The following ZNF143 variants were observed in gnomAD, a reference collection of about 807,000 sequenced individuals.
ZNF143 encodes the protein SPH-binding factor.
In ZNF143, 49 loss-of-function variants were observed where a neutral mutation model predicts 74.1. The ratio of observed to expected loss-of-function variants is 0.66; its 90% CI spans 0.53 to 0.84. The LOEUF is 0.84. Ranked by LOEUF, ZNF143 falls within the 40% of genes least tolerant of loss-of-function variation. ZNF143 has a pLI of 0.00. For synonymous variants in ZNF143, 304 were observed against 282.8 expected (o/e 1.07, Z -0.75); for missense variants, 637 against 793.4 (o/e 0.80, Z 2.37).
chr11:9,510,188 G>A (rs1217285188), intron 12 of ZNF143, among the ~76,000 whole-genome samples: 5 of 150,032 alleles, frequency 3.3e-5, no homozygotes, highest in Admixed American at 6.7e-5. Flanking sequence ...GCAGTGGTGC[G>A]ATCTCGGCTC....
At chr11:9,487,924 C>T (rs1166734087) in intron 7 of ZNF143, among the ~76,000 whole-genome samples, 5 of 152,100 alleles carry the variant, frequency 3.3e-5, no homozygotes, top group Middle Eastern at 3.2e-3. Context: ...ATTTTTTCCC[C>T]TAAAACATCT....
intron 7 of ZNF143, among the ~76,000 whole-genome samples, chr11:9,493,930 G>T (rs1334510009): frequency 6.6e-6 from 1 of 152,140 alleles, no homozygotes; most frequent in Non-Finnish European, 1.5e-5. Flanking sequence ...TGACTGAAAT[G>T]ACCTACCCCT....
intron 7 of ZNF143, among the ~76,000 whole-genome samples, chr11:9,486,812 G>T (rs1457994180): frequency 6.7e-6 from 1 of 149,472 alleles, no homozygotes; most frequent in Non-Finnish European, 1.5e-5. Flanking sequence ...GGGACTACAG[G>T]CACCCGCCAC....
At chr11:9,518,614 G>A (rs1327757180) in intron 14 of ZNF143, among the ~76,000 whole-genome samples, 1 of 152,064 alleles carries the variant, frequency 6.6e-6, no homozygotes, top group Non-Finnish European at 1.5e-5. Context: ...CTACTCAGGA[G>A]GCTGAGGCAG....
At chr11:9,486,371 AATATATTAT>A (rs1847491082) in intron 7 of ZNF143, among the ~76,000 whole-genome samples, 1 of 36,720 alleles carries the variant, frequency 2.7e-5, no homozygotes. Context: ...TATTATATAT[AATATATTAT>A]ATATATAATA....
chr11:9,504,739 A>G (rs1176014365), intron 11 of ZNF143, among the ~76,000 whole-genome samples: 1 of 106,204 alleles, frequency 9.4e-6, no homozygotes, highest in African/African-American at 3.1e-5. Flanking sequence ...CAATGGCGTG[A>G]TCTCAGCTCA....
At chr11:9,496,261 A>C in intron 8 of ZNF143, 42 bp from the exon 9 acceptor site, 60 of 1,515,200 alleles carry the variant, frequency 4.0e-5, no homozygotes, top group Non-Finnish European at 5.0e-5. Flanking sequence ...TTCCTGAGGA[A>C]TACGTAAAGG....
chr11:9,475,874 GGCAACAGAGT>G (rs1243153496), intron 5 of ZNF143, among the ~76,000 whole-genome samples: 1 of 150,220 alleles, frequency 6.7e-6, no homozygotes. Flanking sequence ...CTCCAGCCTG[GGCAACAGAGT>G]GAGACCCTGT....
chr11:9,483,287 C>G (rs1179101845), intron 7 of ZNF143, among the ~76,000 whole-genome samples: 4 of 64,714 alleles, frequency 6.2e-5, no homozygotes, highest in South Asian at 4.2e-4. Context: ...AGCCAACATG[C>G]CTTTTTTTTT....
At chr11:9,495,473 A>G (rs1847927678) in intron 8 of ZNF143, among the ~76,000 whole-genome samples, 1 of 152,162 alleles carries the variant, frequency 6.6e-6, no homozygotes, top group Admixed American at 6.5e-5. Flanking sequence ...TGGGCTAAGT[A>G]TTTTTATTTC....
chr11:9,489,645 C>G (rs550964109), intron 7 of ZNF143, among the ~76,000 whole-genome samples: 3 of 152,154 alleles, frequency 2.0e-5, no homozygotes, highest in Non-Finnish European at 4.4e-5. Flanking sequence ...ATATGAGTCT[C>G]TCTGGAGTTA....
At position 9,521,937 on chromosome 11, in the gene ZNF143, A is replaced by C. The variant is rs531028062; in HGVS notation, c.1687-3303A>C. On this transcript the variant is annotated intron_variant, in intron 14 of 15. Coordinates refer to ENST00000396602, the MANE Select transcript of ZNF143 (RefSeq NM_003442.6). The stretch of plus-strand genomic sequence containing the variant: ...CAAAATTAGCCAGGTGTGGTGGCGC[A>C]TGCCAGTAGTCCCAGCTACTCAGGA... Among the ~76,000 whole-genome samples the C allele has an allele frequency of 1.1e-3, 160 of 152,038 alleles. 1 individual carries two copies. Among genetic ancestry groups the C allele is most frequent in the African/African-American group, 3.5e-3 (147 of 41,476 alleles).
In ZNF143 at chr11:9,516,301, T is replaced by A. The variant is rs1554969525; in HGVS notation, c.1625T>A (p.Ile542Asn). The A allele has an allele frequency of 6.2e-7, 1 of 1,614,042 alleles. No homozygotes were observed. The stretch of plus-strand genomic sequence containing the variant: ...ACAGTCCCCGCCCATGATGCAGTCA[T>A]CTCCTCAGCAGGAACGCACTCTGTT... ...PITVPAHDAV[I>N]SSAGTHSVAM... The change falls in exon 14 of 16, where the codon ATC becomes AAC. Residue 542 changes from isoleucine to asparagine, a missense_variant. Physicochemically the swap from Ile to Asn is moderately radical, Grantham distance 149. Transcript: ENST00000396602.
intron 12 of ZNF143, among the ~76,000 whole-genome samples, chr11:9,509,693 A>G (rs1290218264): frequency 6.6e-6 from 1 of 152,240 alleles, no homozygotes; most frequent in African/African-American, 2.4e-5. Flanking sequence ...AGAACAGATC[A>G]TCTGCTCAGA....
intron 7 of ZNF143, among the ~76,000 whole-genome samples, chr11:9,490,788 A>G (rs533887315): frequency 6.0e-4 from 92 of 152,184 alleles, no homozygotes; most frequent in Non-Finnish European, 5.7e-4. Context: ...GCTGGAGTGC[A>G]GTGGGGCGAT....
intron 14 of ZNF143, among the ~76,000 whole-genome samples, chr11:9,521,576 T>G (rs1198433812): frequency 1.3e-5 from 2 of 151,624 alleles, no homozygotes; most frequent in African/African-American, 4.9e-5. Context: ...TTTTTGTTTT[T>G]TTTTTGTTGT....
chr11:9,478,366 T>C (rs1166002931), intron 5 of ZNF143, 24 bp from the exon 6 acceptor site: 3 of 1,592,738 alleles, frequency 1.9e-6, no homozygotes, highest in African/African-American at 2.7e-5. Context: ...TTTAATTTAA[T>C]GGCATTCTCT....
chr11:9,464,878 G>A (rs1318373824), intron 1 of ZNF143, among the ~76,000 whole-genome samples: 2 of 151,958 alleles, frequency 1.3e-5, no homozygotes, highest in African/African-American at 4.8e-5. Context: ...AGACGAGATC[G>A]CGTCACTGTA....
intron 6 of ZNF143, 69 bp downstream of exon 6, chr11:9,478,655 A>G (rs1488494673): frequency 6.5e-7 from 1 of 1,543,494 alleles, no homozygotes; most frequent in Non-Finnish European, 8.8e-7. Flanking sequence ...AAGAAAAGAA[A>G]ACAAAAAAGT....
Sources: gnomAD v4.1 joint callset for allele counts (sites outside exome capture counted in the v4.1 genomes callset) on GRCh38, gnomAD v4.1.1 for gene constraint, MANE v1.5 for transcripts, NCBI Gene and HGNC (gene_info 2026-07-23, HGNC 2026-07-21) for gene names.